The following HIVEP3 variants were observed in gnomAD, a reference collection of about 807,000 sequenced individuals.
The protein encoded by HIVEP3 is HIVEP zinc finger 3, also known as transcription factor HIVEP3.
In HIVEP3, 49 loss-of-function variants were observed where a neutral mutation model predicts 152.8. The ratio of observed to expected loss-of-function variants is 0.32; its 90% CI spans 0.26 to 0.41. The LOEUF (loss-of-function observed/expected upper bound fraction) is 0.41, where lower values mean the gene tolerates loss of function less well. Among genes scored for constraint, HIVEP3 ranks in the 10% least tolerant of loss-of-function variants. The pLI is 1.00. For synonymous variants in HIVEP3, 1,269 were observed against 1,289.0 expected (o/e 0.98, Z 0.33); for missense variants, 2,790 against 3,103.3 (o/e 0.90, Z 2.40).
intron 1 of HIVEP3, among the ~76,000 whole-genome samples, chr1:41,775,886 C>T (rs1421523525): frequency 6.6e-6 from 1 of 152,140 alleles, no homozygotes; most frequent in African/African-American, 2.4e-5. Flanking sequence ...ACAAAAAGGC[C>T]AGCATCCTAC....
At chr1:42,035,446 C>A (rs1456343135) in intron 1 of HIVEP3, among the ~76,000 whole-genome samples, 1 of 152,264 alleles carries the variant, frequency 6.6e-6, no homozygotes, top group East Asian at 1.9e-4. Context: ...ACTTTCCCGG[C>A]CCCCGCTGTC....
intron 5 of HIVEP3, among the ~76,000 whole-genome samples, chr1:41,565,927 AAT>A: frequency 6.6e-6 from 1 of 152,284 alleles, no homozygotes; most frequent in Non-Finnish European, 1.5e-5. Context: ...CCCAATGATC[AAT>A]ATGTCTTTTT....
At chr1:41,558,500 GAA>G (rs1273786512) in intron 5 of HIVEP3, among the ~76,000 whole-genome samples, 5 of 152,192 alleles carry the variant, frequency 3.3e-5, no homozygotes, top group African/African-American at 1.2e-4. Context: ...CTGACATTCT[GAA>G]AGTTTGTAGG....
chr1:41,878,930 G>A (rs938717987), intron 1 of HIVEP3, among the ~76,000 whole-genome samples: 2 of 139,374 alleles, frequency 1.4e-5, no homozygotes, highest in Non-Finnish European at 3.1e-5. Flanking sequence ...CCCAGGTGAT[G>A]GCAGGGATAC....
rs1180908411 is a variant in HIVEP3 at position 41,741,624 on chromosome 1, G to A, written c.-800-40629C>T. Among the ~76,000 whole-genome samples, 5 of 152,218 alleles carry A rather than the reference G, an allele frequency of 3.3e-5. No individual in the cohort carries two copies. The South Asian group carries it at 1.0e-3, about 32-fold the overall frequency. ...GTAGCCCATGATACAGGTGAGTCAC[G>A]CTGAGGCTGCAGCCACCTGGATCTG... On this transcript the variant is annotated intron_variant, in intron 1 of 8. Coordinates refer to ENST00000372583, the MANE Select transcript of HIVEP3 (RefSeq NM_024503.5).
intron 3 of HIVEP3, among the ~76,000 whole-genome samples, chr1:41,623,904 G>A (rs1570136662): frequency 6.6e-6 from 1 of 151,990 alleles, no homozygotes; most frequent in Admixed American, 6.6e-5. Context: ...ATGCCGATCA[G>A]AGTGACGTGT....
chr1:41,883,689 G>C (rs1644297965), intron 1 of HIVEP3, among the ~76,000 whole-genome samples: 1 of 152,188 alleles, frequency 6.6e-6, no homozygotes, highest in Non-Finnish European at 1.5e-5. Flanking sequence ...GGTGGGTGCA[G>C]AATGTGATAG....
chr1:41,513,149 G>C lies in HIVEP3; in HGVS notation c.6072C>G (p.Leu2024=). The change falls in exon 8 of 9, where the codon CTC becomes CTG. Residue 2024 remains leucine, a synonymous_variant. Transcript: ENST00000372583. ...GCTGAAGTCTTGGAGACCCACAAGG[G>C]AGAGCGCCCATGCCCCTTCCTGGGT... ...HVDPGRGMGA[L]PCGSPRLQLS... is the part of the protein sequence containing the mutation. 1 of 1,613,894 alleles carries C rather than the reference G, an allele frequency of 6.2e-7. No individual in the cohort carries two copies. Among genetic ancestry groups the C allele is most frequent in the Non-Finnish European group, 8.5e-7 (1 of 1,179,980 alleles).
At chr1:41,826,259 A>G (rs1192581157) in intron 1 of HIVEP3, among the ~76,000 whole-genome samples, 1 of 152,188 alleles carries the variant, frequency 6.6e-6, no homozygotes, top group Admixed American at 6.5e-5. Context: ...TAAGGGGCTG[A>G]GAACTGCCTG....
chr1:41,985,540 G>A (rs1645317405), intron 1 of HIVEP3, among the ~76,000 whole-genome samples: 1 of 152,164 alleles, frequency 6.6e-6, no homozygotes, highest in South Asian at 2.1e-4. Context: ...TTCTTATAAG[G>A]GCACTAACCC....
intron 2 of HIVEP3, among the ~76,000 whole-genome samples, chr1:41,644,280 G>A (rs1382986751): frequency 1.3e-5 from 2 of 152,094 alleles, no homozygotes; most frequent in African/African-American, 2.4e-5. Flanking sequence ...TAAACTCATG[G>A]ACCTATGGGA....
chr1:41,599,761 G>A (rs147025878), intron 3 of HIVEP3, among the ~76,000 whole-genome samples: 135 of 152,236 alleles, frequency 8.9e-4, no homozygotes, highest in African/African-American at 3.1e-3. Flanking sequence ...TCTTCTATGC[G>A]TGAAAGGACA....
At chr1:42,000,020 C>T (rs908879126) in intron 1 of HIVEP3, among the ~76,000 whole-genome samples, 2 of 152,042 alleles carry the variant, frequency 1.3e-5, no homozygotes, top group African/African-American at 4.8e-5. Context: ...TTTAAACTAG[C>T]AAAACAAGTG....
At chr1:41,703,158 A>C (rs1393827056) in intron 1 of HIVEP3, among the ~76,000 whole-genome samples, 1 of 152,220 alleles carries the variant, frequency 6.6e-6, no homozygotes, top group African/African-American at 2.4e-5. Context: ...CAAAGGACAT[A>C]CAGCTGTCAA....
chr1:42,002,078 C>T (rs758925085), intron 1 of HIVEP3, among the ~76,000 whole-genome samples: 9 of 152,110 alleles, frequency 5.9e-5, no homozygotes, highest in East Asian at 1.9e-4. Flanking sequence ...TCTTTAGAAA[C>T]GGTAGGTCTT....
At chr1:41,526,559 TCACA>T (rs1165680536) in intron 5 of HIVEP3, among the ~76,000 whole-genome samples, 92 of 22,040 alleles carry the variant, frequency 4.2e-3, no homozygotes, top group Non-Finnish European at 5.8e-3. Context: ...ACCCTCACCC[TCACA>T]CACCCTCACA....
intron 1 of HIVEP3, among the ~76,000 whole-genome samples, chr1:41,886,712 C>CAAAAAAAAAAAAAAAAAAAAAA (rs71062602): frequency 1.1e-5 from 1 of 87,788 alleles, no homozygotes; most frequent in African/African-American, 4.4e-5. Context: ...AACTCCATTT[C>CAAAAAAAAAAAAAAAAAAAAAA]AAAAAAAAAA....
chr1:41,808,239 G>A (rs1482571454), intron 1 of HIVEP3, among the ~76,000 whole-genome samples: 1 of 152,252 alleles, frequency 6.6e-6, no homozygotes, highest in Non-Finnish European at 1.5e-5. Flanking sequence ...TGAACCTGAG[G>A]CTCCAGAGGG....
At chr1:41,791,585 G>A (rs1649699345) in intron 1 of HIVEP3, among the ~76,000 whole-genome samples, 1 of 137,690 alleles carries the variant, frequency 7.3e-6, no homozygotes, top group African/African-American at 3.0e-5. Context: ...TATGGATGGA[G>A]AGGCCAAAGA....
Sources: gnomAD v4.1 joint callset for allele counts (sites outside exome capture counted in the v4.1 genomes callset) on GRCh38, gnomAD v4.1.1 for gene constraint, MANE v1.5 for transcripts, NCBI Gene and HGNC (gene_info 2026-07-23, HGNC 2026-07-21) for gene names.